Variants in TAFA2 observed in about 807,000 individuals in gnomAD.
TAFA2 encodes the protein chemokine-like protein TAFA-2.
Under a neutral mutation model 18.8 loss-of-function variants are expected in TAFA2, and 7 were observed. The observed-to-expected ratio is 0.37, with a 90% CI of 0.21 to 0.70. The LOEUF (loss-of-function observed/expected upper bound fraction) is 0.70. Ranked by LOEUF, TAFA2 falls within the 30% of genes least tolerant of loss-of-function variation. TAFA2 has a pLI of 0.53. For synonymous variants in TAFA2, 60 were observed against 54.2 expected (o/e 1.11, Z -0.47); for missense variants, 122 against 158.1 (o/e 0.77, Z 1.23).
chr12:62,070,743 A>C (rs1296721823), intron 1 of TAFA2, among the ~76,000 whole-genome samples: 1 of 152,196 alleles, frequency 6.6e-6, no homozygotes, highest in Non-Finnish European at 1.5e-5. Context: ...ATATCATATT[A>C]GTATATTATA....
chr12:61,970,422 A>C (rs976099896), intron 1 of TAFA2, among the ~76,000 whole-genome samples: 1 of 151,718 alleles, frequency 6.6e-6, no homozygotes, highest in African/African-American at 2.4e-5. Context: ...TAATTGTTAA[A>C]TATGATAAGA....
chr12:62,033,657 G>A (rs570922211), intron 1 of TAFA2, among the ~76,000 whole-genome samples: 1 of 152,162 alleles, frequency 6.6e-6, no homozygotes, highest in South Asian at 2.1e-4. Context: ...AAGGTGTCAT[G>A]ATGTATGTCA....
intron 2 of TAFA2, among the ~76,000 whole-genome samples, chr12:61,847,104 C>T (rs1873438899): frequency 1.3e-5 from 2 of 152,170 alleles, no homozygotes; most frequent in Admixed American, 6.5e-5. Flanking sequence ...CAGGCTGACA[C>T]ATATTTACTC....
intron 1 of TAFA2, among the ~76,000 whole-genome samples, chr12:62,031,901 C>A (rs1881469489): frequency 6.6e-6 from 1 of 152,048 alleles, no homozygotes; most frequent in Admixed American, 6.6e-5. Flanking sequence ...CTTTTCCAGA[C>A]CAATTTAGTT....
At chr12:62,074,844 G>A (rs1254344124) in intron 1 of TAFA2, among the ~76,000 whole-genome samples, 1 of 151,874 alleles carries the variant, frequency 6.6e-6, no homozygotes. Flanking sequence ...TGGGACTACA[G>A]GCACACACCA....
At chr12:61,712,248 G>A (rs1869445646) in intron 4 of TAFA2, among the ~76,000 whole-genome samples, 1 of 152,062 alleles carries the variant, frequency 6.6e-6, no homozygotes, top group Non-Finnish European at 1.5e-5. Flanking sequence ...TTCAAGCTCA[G>A]GTTCTAAGTA....
At chr12:62,002,924 C>T (rs1445444434) in intron 1 of TAFA2, among the ~76,000 whole-genome samples, 1 of 152,208 alleles carries the variant, frequency 6.6e-6, no homozygotes, top group African/African-American at 2.4e-5. Flanking sequence ...CCCACAAGTT[C>T]TTGCAAAGCA....
Position 62,019,599 on chromosome 12 carries a change from T to C in TAFA2, c.-1-152173A>G, listed in dbSNP as rs543589430. Among the ~76,000 whole-genome samples, 22 of 145,322 alleles carry C rather than the reference T, an allele frequency of 1.5e-4. No homozygotes were observed. In the East Asian group the frequency reaches 4.5e-3, roughly 30 times the overall value. Reference sequence around the variant, plus strand: ...AAAACCAAACACCGCGTGTTCTCACTCACAGGTGGGAATTCAACAATGGGA... The same window carrying C: ...AAAACCAAACACCGCGTGTTCTCACCCACAGGTGGGAATTCAACAATGGGA... On this transcript the variant is annotated intron_variant, in intron 1 of 4. Coordinates refer to ENST00000416284, the MANE Select transcript of TAFA2 (RefSeq NM_178539.5).
At chr12:61,936,574 AC>A (rs1306654682) in intron 1 of TAFA2, among the ~76,000 whole-genome samples, 1 of 143,948 alleles carries the variant, frequency 6.9e-6, no homozygotes, top group Non-Finnish European at 1.5e-5. Context: ...TCTCAAAAAA[AC>A]ATAAAAATAC....
At position 62,258,446 on chromosome 12, in the gene TAFA2, G is replaced by T. The variant is rs145445362; in HGVS notation, c.-130+317C>A. The T allele has an allele frequency of 7.2e-5, 11 of 152,790 alleles. No homozygotes were observed. The South Asian group carries it at 2.1e-3, about 29-fold the overall frequency. 9.5% of individuals were successfully genotyped at this position (152,790 alleles called of 1,614,324 possible). The stretch of plus-strand genomic sequence containing the variant: ...CTCTTAAGGGAAAGTGGACATTAGG[G>T]TATAAATGATTTATTGCTACTTGGT... On this transcript the variant is annotated intron_variant, in intron 1 of 5. Coordinates refer to the TAFA2 transcript ENST00000551619.
At chr12:61,792,119 A>T (rs12368938) in intron 2 of TAFA2, among the ~76,000 whole-genome samples, 53,146 of 151,504 alleles carry the variant, frequency 0.35, 9,543 homozygotes, top group Non-Finnish European at 0.39. Flanking sequence ...ATACAAAAGG[A>T]AAAATACTAC....
chr12:62,085,152 C>T (rs1051189942), intron 1 of TAFA2, among the ~76,000 whole-genome samples: 1 of 152,076 alleles, frequency 6.6e-6, no homozygotes, highest in African/African-American at 2.4e-5. Flanking sequence ...ATGTTAATAA[C>T]AATAAAAAGG....
In TAFA2 at chr12:62,002,533, C is replaced by A. The variant is rs1187618982; in HGVS notation, c.-1-135107G>T. ...AATTTCCTAGCTTAGACTCTCATGT[C>A]ATCAGATTACATCACTCGCAAACCC... On this transcript the variant is annotated intron_variant, in intron 1 of 4. Transcript: ENST00000416284. 2.0e-5 allele frequency among the ~76,000 whole-genome samples: 3 copies of A among 152,152 alleles called. No individual in the cohort carries two copies. In the East Asian group the frequency reaches 5.8e-4, roughly 29 times the overall value.
chr12:61,836,555 A>G (rs1054635936), intron 2 of TAFA2, among the ~76,000 whole-genome samples: 4 of 151,638 alleles, frequency 2.6e-5, no homozygotes, highest in African/African-American at 9.7e-5. Context: ...GGACTAACTA[A>G]TCACTGCTAA....
chr12:61,920,718 T>A (rs1021745863), intron 1 of TAFA2, among the ~76,000 whole-genome samples: 6 of 151,944 alleles, frequency 3.9e-5, no homozygotes, highest in Non-Finnish European at 7.4e-5. Context: ...AATTTCAAGA[T>A]CCCTAGCCAA....
rs80283136 is a variant in TAFA2, at chr12:61,988,574, A to C, written c.-1-121148T>G. ...TCATTTATTCAGCCACTGTTTATTG[A>C]AAGCACCTACTATGTGCACTACAAT... On this transcript the variant is annotated intron_variant, in intron 1 of 4. Transcript: ENST00000416284. Among the ~76,000 whole-genome samples, 836 of 152,292 alleles carry C rather than the reference A, an allele frequency of 5.5e-3. 13 individuals are homozygous for C. The highest frequency in any genetic ancestry group is 0.02 in the African/African-American group (814 of 41,562).
At chr12:62,182,665 A>G (rs1434614550) in intron 1 of TAFA2, among the ~76,000 whole-genome samples, 1 of 152,180 alleles carries the variant, frequency 6.6e-6, no homozygotes, top group East Asian at 1.9e-4. Flanking sequence ...AGCCTGTTCC[A>G]AATATTTTGC....
chr12:61,955,758 A>C (rs899153533), intron 1 of TAFA2, among the ~76,000 whole-genome samples: 10 of 150,098 alleles, frequency 6.7e-5, no homozygotes, highest in Non-Finnish European at 8.9e-5. Context: ...CTAGAACTCC[A>C]TGAATCTCAC....
At chr12:61,976,821 G>A (rs997886718) in intron 1 of TAFA2, among the ~76,000 whole-genome samples, 9 of 152,022 alleles carry the variant, frequency 5.9e-5, no homozygotes, top group Non-Finnish European at 1.2e-4. Flanking sequence ...ATGGTTTCCA[G>A]CTTCATCCAT....
Sources: gnomAD v4.1 joint callset for allele counts (sites outside exome capture counted in the v4.1 genomes callset) on GRCh38, gnomAD v4.1.1 for gene constraint, MANE v1.5 for transcripts, NCBI Gene and HGNC (gene_info 2026-07-23, HGNC 2026-07-21) for gene names.